Variants in ME3 observed in about 807,000 individuals in gnomAD.
ME3 encodes NADP-dependent malic enzyme, mitochondrial.
Under a neutral mutation model 68.9 loss-of-function variants are expected in ME3, and 48 were observed. The observed-to-expected ratio is 0.70, with a 90% CI of 0.55 to 0.89. The LOEUF (loss-of-function observed/expected upper bound fraction) is 0.89. ME3 is among the 40% of genes least tolerant of loss of function. The probability of loss-of-function intolerance (pLI) is 0.00; values close to 1 mark genes in which losing one functional copy is unlikely to be tolerated. For synonymous variants in ME3, 320 were observed against 318.8 expected, an observed-to-expected ratio of 1.00 and a Z score of -0.04; for missense variants, 675 against 797.4, an observed-to-expected ratio of 0.85 and a Z score of 1.85.
intron 4 of ME3, among the ~76,000 whole-genome samples, chr11:86,537,295 AC>A (rs1322922124): frequency 2.6e-5 from 4 of 151,452 alleles, no homozygotes; most frequent in Non-Finnish European, 2.9e-5. Flanking sequence ...ATAAAAAAAA[AC>A]AGTTCGAAGT....
Position 86,441,458 on chromosome 11 carries a change from T to C in ME3, c.1654-18A>G, listed in dbSNP as rs751237999. 1 of 1,570,682 alleles carries C rather than the reference T, an allele frequency of 6.4e-7. No homozygotes were observed. The highest frequency in any genetic ancestry group is 2.2e-5 in the East Asian group (1 of 44,454). On this transcript the variant is annotated intron_variant, in intron 14 of 14. Coordinates refer to ENST00000543262, the Ensembl canonical transcript of ME3. The stretch of plus-strand genomic sequence containing the variant: ...TCGAGAACCTAGAGAAAAACATGTT[T>C]GGCTAAGGAACCGGATCTAAGGGGA...
At chr11:86,602,616 T>G (rs749461064) in intron 2 of ME3, among the ~76,000 whole-genome samples, 1 of 152,106 alleles carries the variant, frequency 6.6e-6, no homozygotes, top group East Asian at 1.9e-4. Flanking sequence ...TTAAAGTTCA[T>G]ATGGAACCAA....
At chr11:86,487,261 G>T in intron 7 of ME3, 76 bp downstream of exon 7, 1 of 1,256,748 alleles carries the variant, frequency 8.0e-7, no homozygotes, top group Non-Finnish European at 1.2e-6. Context: ...TTGTATATCA[G>T]CCAAAACCAG....
Position 86,650,011 on chromosome 11 carries a change from G to A in ME3, c.183+21751C>T, listed in dbSNP as rs141223645. On this transcript the variant is annotated intron_variant, in intron 2 of 14. Coordinates refer to ENST00000543262, the Ensembl canonical transcript of ME3. ...GCCTATATAGCCAAGACAATCCTAA[G>A]CAAAAAGAACACAGTTGGAGGCATC... Among the ~76,000 whole-genome samples the A allele has an allele frequency of 3.3e-5, 5 of 152,218 alleles. No homozygotes were observed. In the South Asian group the frequency reaches 8.3e-4, roughly 25 times the overall value.
chr11:86,518,812 C>T (rs1419637505), intron 4 of ME3, among the ~76,000 whole-genome samples: 13 of 152,110 alleles, frequency 8.5e-5, no homozygotes, highest in Admixed American at 8.5e-4. Context: ...TCTAAAAGCA[C>T]TGGTATCCTT....
At chr11:86,467,996 ACTC>A (rs1369508764) in intron 7 of ME3, among the ~76,000 whole-genome samples, 15 of 151,792 alleles carry the variant, frequency 9.9e-5, no homozygotes, top group African/African-American at 3.4e-4. Flanking sequence ...GAACCCCAGA[ACTC>A]CTCTCCACCT....
intron 2 of ME3, among the ~76,000 whole-genome samples, chr11:86,587,001 G>A (rs542978147): frequency 1.3e-5 from 2 of 152,332 alleles, no homozygotes; most frequent in East Asian, 1.9e-4. Flanking sequence ...AGATCTGAAA[G>A]TCTGTCAGAG....
chr11:86,598,325 G>T (rs538003037), intron 2 of ME3, among the ~76,000 whole-genome samples: 1 of 152,182 alleles, frequency 6.6e-6, no homozygotes, highest in Non-Finnish European at 1.5e-5. Flanking sequence ...AGGGTCCTAC[G>T]CCCACGGAGT....
chr11:86,652,680 C>T (rs1326079806), intron 2 of ME3, among the ~76,000 whole-genome samples: 1 of 151,606 alleles, frequency 6.6e-6, no homozygotes. Flanking sequence ...GAAGAAACTG[C>T]ATCAACTAAT....
chr11:86,532,376 T>C (rs10444373), intron 4 of ME3, among the ~76,000 whole-genome samples: 36,435 of 152,050 alleles, frequency 0.24, 4,485 homozygotes, highest in African/African-American at 0.27. Context: ...GATCTACAGA[T>C]ATATACAGAA....
chr11:86,501,495 G>T (rs1168201711), intron 5 of ME3, among the ~76,000 whole-genome samples: 1 of 152,130 alleles, frequency 6.6e-6, no homozygotes, highest in Non-Finnish European at 1.5e-5. Flanking sequence ...AAGCTTAATG[G>T]CTTTAACCTT....
chr11:86,498,981 G>C (rs1952545153), intron 5 of ME3, among the ~76,000 whole-genome samples: 1 of 152,162 alleles, frequency 6.6e-6, no homozygotes, highest in South Asian at 2.1e-4. Context: ...AGGAGAGATG[G>C]AATGTATATA....
At chr11:86,446,536 T>C in intron 12 of ME3, 49 bp from the exon 13 acceptor site, 1 of 1,575,874 alleles carries the variant, frequency 6.3e-7, no homozygotes, top group Non-Finnish European at 8.7e-7. Flanking sequence ...TGGTTTGGGG[T>C]AATAATAGTG....
At chr11:86,450,439 C>T (rs747835209) in intron 8 of ME3, 41 bp from the exon 9 acceptor site, 17 of 1,549,120 alleles carry the variant, frequency 1.1e-5, no homozygotes, top group East Asian at 4.5e-5. Context: ...GGCCACAGGC[C>T]GCCAGCTCCC....
At chr11:86,608,278 T>A (rs1942299121) in intron 2 of ME3, among the ~76,000 whole-genome samples, 1 of 152,132 alleles carries the variant, frequency 6.6e-6, no homozygotes, top group African/African-American at 2.4e-5. Context: ...AATACTGCCG[T>A]GTACCTCTTG....
chr11:86,517,254 C>T (rs570369728), intron 4 of ME3, among the ~76,000 whole-genome samples: 1 of 152,206 alleles, frequency 6.6e-6, no homozygotes, highest in South Asian at 2.1e-4. Flanking sequence ...GTTTCAGAGT[C>T]AGTGTGATTT....
At chr11:86,439,581 G>A (rs1038241982), downstream of ME3, among the ~76,000 whole-genome samples, 6 of 152,220 alleles carry the variant, frequency 3.9e-5, no homozygotes, top group Non-Finnish European at 5.9e-5. Flanking sequence ...CAGAAGGAGA[G>A]ACCAAGCATG....
intron 4 of ME3, among the ~76,000 whole-genome samples, chr11:86,543,560 G>T (rs958985112): frequency 6.6e-6 from 1 of 152,100 alleles, no homozygotes; most frequent in Non-Finnish European, 1.5e-5. Context: ...ACCAAAAAGG[G>T]CATTACATAA....
At chr11:86,547,211 G>A (rs1261934617) in intron 4 of ME3, among the ~76,000 whole-genome samples, 1 of 134,814 alleles carries the variant, frequency 7.4e-6, no homozygotes, top group Non-Finnish European at 1.5e-5. Flanking sequence ...GCACACTCCA[G>A]CCTGGGCGAC....
Sources: gnomAD v4.1 joint callset for allele counts (sites outside exome capture counted in the v4.1 genomes callset) on GRCh38, gnomAD v4.1.1 for gene constraint, MANE v1.5 for transcripts, NCBI Gene and HGNC (gene_info 2026-07-23, HGNC 2026-07-21) for gene names.